SPCS2: variants seen among roughly 807,000 people sequenced by gnomAD.
SPCS2 encodes the protein signal peptidase complex subunit 2, also known as SPase 25 kDa subunit.
Under a neutral mutation model 22.3 loss-of-function variants are expected in SPCS2, and 3 were observed. That is an observed-to-expected ratio of 0.13 (90% CI 0.06 to 0.35). SPCS2 has a LOEUF of 0.35. Among genes scored for constraint, SPCS2 ranks in the 10% least tolerant of loss-of-function variants. The probability of loss-of-function intolerance (pLI) is 1.00; values close to 1 mark genes in which losing one functional copy is unlikely to be tolerated. For missense variants in SPCS2, 169 were observed against 280.9 expected (o/e 0.60, Z 2.85); for synonymous variants, 67 against 97.2 (o/e 0.69, Z 1.83).
chr11:74,971,147 A>G (rs1409228128), intron 4 of SPCS2, among the ~76,000 whole-genome samples: 1 of 152,216 alleles, frequency 6.6e-6, no homozygotes, highest in Middle Eastern at 3.2e-3. Context: ...ACTTAGTGCA[A>G]TTACTTCCTA....
chr11:74,967,749 A>T (rs1948555766), intron 3 of SPCS2, among the ~76,000 whole-genome samples: 1 of 152,184 alleles, frequency 6.6e-6, no homozygotes, highest in African/African-American at 2.4e-5. Flanking sequence ...CTCTGTCTCA[A>T]AATAAATAAA....
At chr11:74,962,645 A>G (rs769168586) in intron 1 of SPCS2, among the ~76,000 whole-genome samples, 2 of 152,208 alleles carry the variant, frequency 1.3e-5, no homozygotes, top group Non-Finnish European at 1.5e-5. Context: ...GTTTTTGAGC[A>G]TGATGAGAAG....
intron 1 of SPCS2, among the ~76,000 whole-genome samples, chr11:74,958,891 A>G (rs1174270957): frequency 2.0e-5 from 3 of 151,914 alleles, no homozygotes; most frequent in Non-Finnish European, 4.4e-5. Context: ...TCCCCTCCAG[A>G]TCATCTGCCA....
intron 1 of SPCS2, among the ~76,000 whole-genome samples, chr11:74,960,792 T>C (rs1388816521): frequency 6.6e-6 from 1 of 152,162 alleles, no homozygotes; most frequent in Non-Finnish European, 1.5e-5. Context: ...TGTAGAGTTA[T>C]TGTGGAAATT....
Position 74,972,951 on chromosome 11 carries a change from A to G in SPCS2, c.494+3252A>G, listed in dbSNP as rs114661186. Among the ~76,000 whole-genome samples, 1,416 of 151,582 alleles carry G rather than the reference A, an allele frequency of 9.3e-3. 26 individuals are homozygous for G. Among genetic ancestry groups the G allele is most frequent in the African/African-American group, 0.032 (1,332 of 41,300 alleles). ...TTTCCCCAAGGGATATATCATTCTC[A>G]GTAAACTACCGCAAGAACAAAAAAC... is the stretch of plus-strand genomic sequence containing the variant. On this transcript the variant is annotated intron_variant, in intron 4 of 4. Transcript: ENST00000263672.
intron 4 of SPCS2, among the ~76,000 whole-genome samples, chr11:74,975,935 T>C (rs1442517929): frequency 2.0e-5 from 3 of 152,206 alleles, no homozygotes; most frequent in Non-Finnish European, 4.4e-5. Flanking sequence ...TACCAGTAAT[T>C]GGTGTCATTA....
chr11:74,959,613 G>C (rs910778958), intron 1 of SPCS2, among the ~76,000 whole-genome samples: 1 of 152,112 alleles, frequency 6.6e-6, no homozygotes, highest in Non-Finnish European at 1.5e-5. Flanking sequence ...ATGTTGCCCA[G>C]GCTGATCTCA....
At chr11:74,959,438 G>T (rs919674917) in intron 1 of SPCS2, among the ~76,000 whole-genome samples, 1 of 152,170 alleles carries the variant, frequency 6.6e-6, no homozygotes, top group Non-Finnish European at 1.5e-5. Context: ...TATTGTCCAG[G>T]CTGGAGTGCA....
Position 74,977,056 on chromosome 11 carries a change from G to A in SPCS2, c.*13G>A. On this transcript the variant is annotated 3_prime_UTR_variant, in exon 5 of 5. Transcript: ENST00000263672. Reference sequence around the variant, plus strand: ...AAAAATAAAGTAGCCAATTCTAAAAGTAGCCCTCTTTCTCCTGGATCTTGC... The same window carrying A: ...AAAAATAAAGTAGCCAATTCTAAAAATAGCCCTCTTTCTCCTGGATCTTGC... 7.0e-7 allele frequency: 1 copy of A among 1,423,442 alleles called. No homozygotes were observed. Among genetic ancestry groups the A allele is most frequent in the Non-Finnish European group, 9.3e-7 (1 of 1,070,540 alleles). 88.2% of individuals were successfully genotyped at this position (1,423,442 alleles called of 1,614,324 possible).
At chr11:74,950,074 AC>A (rs1948362519) in intron 1 of SPCS2, among the ~76,000 whole-genome samples, 1 of 151,996 alleles carries the variant, frequency 6.6e-6, no homozygotes, top group Non-Finnish European at 1.5e-5. Flanking sequence ...ATTTTTTTTA[AC>A]TGCAGTCCTA....
chr11:74,965,736 A>C, intron 2 of SPCS2, 27 bp from the exon 3 acceptor site: 1 of 1,591,418 alleles, frequency 6.3e-7, no homozygotes, highest in Non-Finnish European at 8.6e-7. Flanking sequence ...TATTCCTATT[A>C]GCTTGATTCC....
chr11:74,969,216 C>T (rs977109659), intron 3 of SPCS2, among the ~76,000 whole-genome samples: 1 of 152,084 alleles, frequency 6.6e-6, no homozygotes, highest in African/African-American at 2.4e-5. Flanking sequence ...TGGGACTATT[C>T]GTTGTTTTTT....
chr11:74,962,741 G>A (rs932640160), intron 1 of SPCS2, among the ~76,000 whole-genome samples: 1 of 152,112 alleles, frequency 6.6e-6, no homozygotes, highest in Non-Finnish European at 1.5e-5. Context: ...TACTTGCTTC[G>A]AAATGGGCTG....
chr11:74,968,658 G>C (rs1009800229), intron 3 of SPCS2, among the ~76,000 whole-genome samples: 1 of 151,942 alleles, frequency 6.6e-6, no homozygotes, highest in African/African-American at 2.4e-5. Context: ...TGAGTAGCAG[G>C]ACTACAGGCA....
At chr11:74,958,984 A>G (rs1173282846) in intron 1 of SPCS2, among the ~76,000 whole-genome samples, 1 of 152,200 alleles carries the variant, frequency 6.6e-6, no homozygotes, top group Non-Finnish European at 1.5e-5. Context: ...TGCCTGCTTC[A>G]GAATAAAGTT....
At chr11:74,963,645 A>G (rs1374768084) in intron 1 of SPCS2, 1 of 433,040 alleles carries the variant, frequency 2.3e-6, no homozygotes, top group South Asian at 1.7e-5. Flanking sequence ...CCTGGGCTCA[A>G]GCTGTTCTGC....
At chr11:74,949,558 G>T (rs1172158503) in intron 1 of SPCS2, 159 bp downstream of exon 1, 4 of 704,922 alleles carry the variant, frequency 5.7e-6, no homozygotes, top group Non-Finnish European at 1.0e-5. Context: ...GCCTGCCCTT[G>T]CCCTCATCAC....
At chr11:74,962,151 C>G (rs1948518153) in intron 1 of SPCS2, among the ~76,000 whole-genome samples, 1 of 152,074 alleles carries the variant, frequency 6.6e-6, no homozygotes, top group Non-Finnish European at 1.5e-5. Flanking sequence ...GAAAATTGAC[C>G]TGTGTAAGGG....
At position 74,965,134 on chromosome 11, in the gene SPCS2, G is replaced by C. The variant is rs2140218042; in HGVS notation, c.198+17G>C. 5 of 1,529,054 alleles carry C rather than the reference G, an allele frequency of 3.3e-6. No individual in the cohort carries two copies. Among genetic ancestry groups the C allele is most frequent in the Non-Finnish European group, 4.4e-6 (5 of 1,127,200 alleles). The allele number at this position is 1,529,054 out of a possible 1,614,324, so 94.7% of individuals were successfully genotyped here. Reference sequence around the variant, plus strand: ...GCCAAAAAGGTACTTTCTTGAGGAGGGGTTGGTTAGTATCTATACAGCTGA... The same window carrying C: ...GCCAAAAAGGTACTTTCTTGAGGAGCGGTTGGTTAGTATCTATACAGCTGA... On this transcript the variant is annotated intron_variant, in intron 2 of 4. Coordinates refer to ENST00000263672, the MANE Select transcript of SPCS2 (RefSeq NM_014752.3).
Sources: allele counts gnomAD v4.1 joint callset (sites outside exome capture counted in the v4.1 genomes callset), GRCh38; gene constraint gnomAD v4.1.1; transcripts MANE v1.5; gene names NCBI Gene and HGNC (gene_info 2026-07-23, HGNC 2026-07-21).